Variants in CFAP47 observed in about 807,000 individuals in gnomAD.
CFAP47 encodes the protein cilia and flagella associated protein 47, also known as cilia- and flagella-associated protein 47.
CFAP47 carries 29 observed loss-of-function variants against 148.1 expected under a neutral mutation model. The observed-to-expected ratio is 0.20, with a 90% confidence interval of 0.15 to 0.27. CFAP47 has a LOEUF of 0.27. Among genes scored for constraint, CFAP47 ranks in the 10% least tolerant of loss-of-function variants. The probability of loss-of-function intolerance (pLI) is 1.00; values close to 1 mark genes in which losing one functional copy is unlikely to be tolerated. For missense variants in CFAP47, 1,872 were observed against 1,697.5 expected (o/e 1.10, Z -1.81); for synonymous variants, 664 against 577.3 (o/e 1.15, Z -2.15).
chrX:35,966,351 TAAA>T (rs907557129), intron 8 of CFAP47, among the ~76,000 whole-genome samples: 8 of 105,537 alleles, frequency 7.6e-5, no homozygotes, highest in Middle Eastern at 6.0e-3. Flanking sequence ...TTAAGAAAAA[TAAA>T]AAATTTTAAT....
intron 22 of CFAP47, among the ~76,000 whole-genome samples, chrX:36,027,700 T>C (rs867098333): frequency 9.0e-6 from 1 of 111,518 alleles, no homozygotes; most frequent in Middle Eastern, 4.6e-3. Flanking sequence ...GATCAAATGG[T>C]AGTGCAATTT....
intron 15 of CFAP47, among the ~76,000 whole-genome samples, chrX:35,976,423 AATT>A (rs1466467103): frequency 6.3e-5 from 7 of 111,961 alleles, no homozygotes; most frequent in African/African-American, 2.3e-4. Context: ...TGATTGTGAT[AATT>A]ATTATACTAT....
Position 36,370,137 on chromosome X carries a change from C to T in CFAP47, c.9185+3010C>T, listed in dbSNP as rs781916832. Among the ~76,000 whole-genome samples the T allele has an allele frequency of 3.1e-3, 349 of 111,238 alleles. 3 individuals are homozygous for T. The highest frequency in any genetic ancestry group is 0.011 in the African/African-American group (329 of 30,652). ...AAATTATACTTTAAGTTCTAGGGTA[C>T]ATGTGCACAACGTGCAGGTTTGTTA... On this transcript the variant is annotated intron_variant, in intron 62 of 63. Coordinates refer to ENST00000378653, the MANE Select transcript of CFAP47 (RefSeq NM_001304548.2).
chrX:36,223,601 T>A (rs1207175816), intron 45 of CFAP47, among the ~76,000 whole-genome samples: 18 of 111,186 alleles, frequency 1.6e-4, no homozygotes, highest in Admixed American at 9.6e-4. Flanking sequence ...TATACAATTA[T>A]GACCTATTAA....
intron 43 of CFAP47, 77 bp from the exon 44 acceptor site, chrX:36,201,197 C>A: frequency 6.8e-6 from 2 of 295,176 alleles, no homozygotes; most frequent in Non-Finnish European, 1.2e-5. Context: ...TTTCAAACCT[C>A]CCAAGTCCAT....
chrX:36,063,652 T>C (rs1937612333), intron 26 of CFAP47, among the ~76,000 whole-genome samples: 1 of 112,145 alleles, frequency 8.9e-6, no homozygotes. Flanking sequence ...TAGAAATATT[T>C]CAAGTGATAG....
chrX:36,060,672 T>C (rs1055554768), intron 26 of CFAP47, among the ~76,000 whole-genome samples: 4 of 112,048 alleles, frequency 3.6e-5, no homozygotes, highest in African/African-American at 1.3e-4. Context: ...GACATTCATA[T>C]GTGAAACATA....
chrX:35,924,894 C>T (rs1935712358), intron 1 of CFAP47, among the ~76,000 whole-genome samples: 1 of 111,159 alleles, frequency 9.0e-6, no homozygotes, highest in African/African-American at 3.3e-5. Context: ...CTTGCTCTCA[C>T]TTACATGTGA....
chrX:35,928,905 A>G (rs980223071), intron 2 of CFAP47, among the ~76,000 whole-genome samples: 1 of 111,196 alleles, frequency 9.0e-6, no homozygotes, highest in Admixed American at 9.6e-5. Context: ...TTGTTGAAAA[A>G]GCTATTTTCC....
At chrX:36,269,562 A>T (rs1279353785) in intron 49 of CFAP47, among the ~76,000 whole-genome samples, 7 of 112,426 alleles carry the variant, frequency 6.2e-5, no homozygotes, top group African/African-American at 2.3e-4. Flanking sequence ...TTGGGGTGAC[A>T]TTTCTCAATT....
chrX:36,186,989 T>C (rs1242087324), intron 40 of CFAP47, among the ~76,000 whole-genome samples: 1 of 111,477 alleles, frequency 9.0e-6, no homozygotes, highest in Admixed American at 9.6e-5. Context: ...GGTGCAAGGA[T>C]TAACAGAAAG....
At chrX:36,205,538 G>C (rs1360119422) in intron 45 of CFAP47, among the ~76,000 whole-genome samples, 2 of 111,239 alleles carry the variant, frequency 1.8e-5, no homozygotes, top group Non-Finnish European at 3.8e-5. Flanking sequence ...GGAGAAGAAT[G>C]TGTTATTGGT....
chrX:35,925,823 G>A (rs1935730695), intron 1 of CFAP47, among the ~76,000 whole-genome samples, 194 bp from the exon 2 acceptor site: 1 of 111,572 alleles, frequency 9.0e-6, no homozygotes, highest in African/African-American at 3.3e-5. Context: ...CGCCCGGCTA[G>A]TTTTTTGTAT....
chrX:36,370,727 G>T (rs1356441484), intron 62 of CFAP47, among the ~76,000 whole-genome samples: 1 of 110,625 alleles, frequency 9.0e-6, no homozygotes, highest in Non-Finnish European at 1.9e-5. Context: ...CTGGAGGGGC[G>T]TATATGAAAA....
chrX:36,285,489 C>T, intron 50 of CFAP47, 140 bp from the exon 51 acceptor site: 1 of 390,977 alleles, frequency 2.6e-6, no homozygotes, highest in East Asian at 4.4e-5. Flanking sequence ...AACAGCTTCT[C>T]ACCCTTTCTT....
intron 61 of CFAP47, among the ~76,000 whole-genome samples, chrX:36,364,045 T>C (rs1941850216): frequency 9.0e-6 from 1 of 111,706 alleles, no homozygotes; most frequent in South Asian, 3.7e-4. Context: ...CCTAGAACTT[T>C]TTACCTGCTC....
chrX:36,350,880 G>A (rs782614381), intron 59 of CFAP47, among the ~76,000 whole-genome samples: 1 of 110,818 alleles, frequency 9.0e-6, no homozygotes, highest in South Asian at 3.8e-4. Context: ...CCAGGCTCTA[G>A]ATGGCATTCT....
chrX:36,060,719 T>C (rs1163419939), intron 26 of CFAP47, among the ~76,000 whole-genome samples: 1 of 111,543 alleles, frequency 9.0e-6, no homozygotes, highest in Non-Finnish European at 1.9e-5. Context: ...ACCTAAAGTC[T>C]ATTTTAGGGC....
chrX:36,383,327 C>G (rs948587956), intron 63 of CFAP47, among the ~76,000 whole-genome samples: 96 of 111,763 alleles, frequency 8.6e-4, no homozygotes, highest in African/African-American at 3.1e-3. Context: ...GGATATAGAT[C>G]CCTTCATATA....
Sources: allele counts gnomAD v4.1 joint callset (sites outside exome capture counted in the v4.1 genomes callset), GRCh38; gene constraint gnomAD v4.1.1; transcripts MANE v1.5; gene names NCBI Gene and HGNC (gene_info 2026-07-23, HGNC 2026-07-21).